GCNT1: variants seen among roughly 807,000 people sequenced by gnomAD.
GCNT1 encodes the protein beta-1,3-galactosyl-O-glycosyl-glycoprotein beta-1,6-N-acetylglucosaminyltransferase.
GCNT1 carries 16 observed loss-of-function variants against 26.2 expected under a neutral mutation model. The ratio of observed to expected loss-of-function variants is 0.61; its 90% CI spans 0.41 to 0.93. The LOEUF is 0.93. Among genes scored for constraint, GCNT1 ranks in the 40% least tolerant of loss-of-function variants. GCNT1 has a pLI of 0.00. For synonymous variants in GCNT1, 183 were observed against 190.8 expected, an observed-to-expected ratio of 0.96 and a Z score of 0.34; for missense variants, 477 against 526.7, an observed-to-expected ratio of 0.91 and a Z score of 0.92.
chr9:76,434,867 G>T (rs577745845), intron 1 of GCNT1, among the ~76,000 whole-genome samples: 1 of 152,082 alleles, frequency 6.6e-6, no homozygotes, highest in African/African-American at 2.4e-5. Context: ...TGGAAGTGTG[G>T]TTGAGATAAG....
chr9:76,505,280 T>C lies in GCNT1; in HGVS notation c.*1612T>C. ...AAAACATTTTCATCTTATTGAGAGATATGTTTTTAAACTTTTATCATCATT... is the reference window on the plus strand; with the variant it reads ...AAAACATTTTCATCTTATTGAGAGACATGTTTTTAAACTTTTATCATCATT... On this transcript the variant is annotated 3_prime_UTR_variant, in exon 4 of 4. Coordinates refer to ENST00000376730, the MANE Select transcript of GCNT1 (RefSeq NM_001490.5). 1 of 216,464 alleles carries C rather than the reference T, an allele frequency of 4.6e-6. No individual in the cohort carries two copies. The highest frequency in any genetic ancestry group is 9.9e-6 in the Non-Finnish European group (1 of 101,170). 13.4% of individuals were successfully genotyped at this position (216,464 alleles called of 1,614,324 possible).
chr9:76,462,188 TTTTA>T (rs1217163857), intron 2 of GCNT1, among the ~76,000 whole-genome samples: 2 of 152,214 alleles, frequency 1.3e-5, no homozygotes, highest in African/African-American at 4.8e-5. Context: ...TTGTCACTAT[TTTTA>T]TTTATTCTAA....
chr9:76,475,865 T>C (rs1292055193), intron 2 of GCNT1, among the ~76,000 whole-genome samples: 1 of 135,304 alleles, frequency 7.4e-6, no homozygotes, highest in Non-Finnish European at 1.6e-5. Context: ...GCGGAAACCA[T>C]GCATTTAGGA....
the GCNT1 span, chr9:76,399,077 C>CA: frequency 1.9e-6 from 3 of 1,595,476 alleles, no homozygotes; most frequent in South Asian, 3.3e-5. Context: ...GGTTACTGAC[C>CA]CCAGGGCTGA....
the GCNT1 span, among the ~76,000 whole-genome samples, chr9:76,404,555 A>G: frequency 2.6e-5 from 4 of 152,198 alleles, no homozygotes; most frequent in South Asian, 2.1e-4. Flanking sequence ...AATTTGACCA[A>G]TAAAATCTGG....
intron 1 of GCNT1, among the ~76,000 whole-genome samples, chr9:76,421,686 G>GTTTTTTTTTT (rs375605387): frequency 7.1e-5 from 6 of 84,376 alleles, no homozygotes; most frequent in African/African-American, 9.7e-5. Context: ...TTGTTTGTAG[G>GTTTTTTTTTT]TTGTTTTTTT....
At chr9:76,434,818 G>GA (rs1411059830) in intron 1 of GCNT1, among the ~76,000 whole-genome samples, 10 of 152,128 alleles carry the variant, frequency 6.6e-5, no homozygotes, top group African/African-American at 2.2e-4. Flanking sequence ...CCTAGGAAAA[G>GA]AATTGCATTC....
chr9:76,492,535 A>G (rs979541051), intron 2 of GCNT1, among the ~76,000 whole-genome samples: 1 of 150,918 alleles, frequency 6.6e-6, no homozygotes, highest in Non-Finnish European at 1.5e-5. Context: ...GGTTAAATGT[A>G]CCCGGGGCTC....
chr9:76,498,813 ACT>A (rs1323274500), intron 2 of GCNT1, among the ~76,000 whole-genome samples: 3 of 151,806 alleles, frequency 2.0e-5, no homozygotes, highest in African/African-American at 7.3e-5. Flanking sequence ...ATACACACAC[ACT>A]GTCAGCCTGT....
At chr9:76,433,916 A>G (rs1452430271) in intron 1 of GCNT1, among the ~76,000 whole-genome samples, 4 of 152,132 alleles carry the variant, frequency 2.6e-5, no homozygotes, top group Non-Finnish European at 5.9e-5. Context: ...AATTGTTGCA[A>G]AGTGCCACTG....
chr9:76,472,809 C>A (rs377633090), intron 2 of GCNT1, among the ~76,000 whole-genome samples: 5 of 144,532 alleles, frequency 3.5e-5, no homozygotes, highest in African/African-American at 1.3e-4. Flanking sequence ...AGTGCAATGG[C>A]GTGATCTCAG....
At position 76,477,185 on chromosome 9, in the gene GCNT1, G is replaced by T. The variant is rs113222862; in HGVS notation, c.-290+17008G>T. Among the ~76,000 whole-genome samples the T allele has an allele frequency of 6.5e-3, 994 of 151,776 alleles. 12 individuals carry two copies. Among genetic ancestry groups the T allele is most frequent in the African/African-American group, 0.023 (938 of 41,472 alleles). ...CTGCCTTGGCCTTCCAAAGTGCTGG[G>T]ATTACAGGCACGAGCCACTGCGCCC... On this transcript the variant is annotated intron_variant, in intron 2 of 3. Transcript: ENST00000376730.
intron 2 of GCNT1, among the ~76,000 whole-genome samples, chr9:76,461,112 A>G (rs1248246185): frequency 1.3e-5 from 2 of 151,906 alleles, no homozygotes; most frequent in Non-Finnish European, 2.9e-5. Flanking sequence ...CTGCAGAGGA[A>G]CCTGCTAAGG....
chr9:76,401,681 G>A, the GCNT1 span, among the ~76,000 whole-genome samples: 2 of 152,282 alleles, frequency 1.3e-5, no homozygotes, highest in Admixed American at 1.3e-4. Flanking sequence ...GATGCCCAGG[G>A]AATGAATAAT....
At chr9:76,470,603 C>CAAA (rs10564028) in intron 2 of GCNT1, among the ~76,000 whole-genome samples, 1 of 94,224 alleles carries the variant, frequency 1.1e-5, no homozygotes. Context: ...GACCCTGTCC[C>CAAA]AAAAAAAAAA....
rs145782766 is a variant in GCNT1 at position 76,434,993 on chromosome 9, G to A, written n.38+15106G>A. 2.6e-3 allele frequency among the ~76,000 whole-genome samples: 398 copies of A among 152,258 alleles called. 1 individual carries two copies. Among genetic ancestry groups the A allele is most frequent in the African/African-American group, 9.3e-3 (385 of 41,536 alleles). On this transcript the variant is annotated intron_variant and non_coding_transcript_variant, in intron 1 of 3. Coordinates refer to the GCNT1 transcript ENST00000488136. ...TCTCTGCTCTCGAACCATGTTTTCT[G>A]TTGTTTAAGATGTTTATCAAGACAA...
At chr9:76,480,464 G>A (rs570973081) in intron 2 of GCNT1, among the ~76,000 whole-genome samples, 2 of 152,184 alleles carry the variant, frequency 1.3e-5, no homozygotes, top group African/African-American at 2.4e-5. Context: ...CCATTTTCAC[G>A]ATATTGATTC....
upstream of GCNT1, among the ~76,000 whole-genome samples, chr9:76,455,928 G>C (rs918414054): frequency 9.2e-5 from 14 of 152,158 alleles, no homozygotes; most frequent in African/African-American, 3.1e-4. Flanking sequence ...GATTGTACTT[G>C]TAACTATAGT....
At chr9:76,461,219 C>A (rs532968590) in intron 2 of GCNT1, among the ~76,000 whole-genome samples, 2 of 136,472 alleles carry the variant, frequency 1.5e-5, no homozygotes. Flanking sequence ...TTTTTTTCCA[C>A]GAATAGCTGA....
Sources: allele counts gnomAD v4.1 joint callset (sites outside exome capture counted in the v4.1 genomes callset), GRCh38; gene constraint gnomAD v4.1.1; transcripts MANE v1.5; gene names NCBI Gene and HGNC (gene_info 2026-07-23, HGNC 2026-07-21).